SLC39A12: variants seen among roughly 807,000 people sequenced by gnomAD.
SLC39A12 encodes zinc transporter ZIP12.
In SLC39A12, 63 loss-of-function variants were observed where a neutral mutation model predicts 71.1. The ratio of observed to expected loss-of-function variants is 0.89; its 90% CI spans 0.72 to 1.09. SLC39A12 has a LOEUF of 1.09. Ranked by LOEUF, SLC39A12 falls within the 50% of genes least tolerant of loss-of-function variation. SLC39A12 has a pLI of 0.00. For missense variants in SLC39A12, 892 were observed against 812.6 expected (o/e 1.10, Z -1.19); for synonymous variants, 351 against 301.3 (o/e 1.16, Z -1.71).
At chr10:18,022,020 C>T (rs67552121) in intron 12 of SLC39A12, among the ~76,000 whole-genome samples, 14,646 of 152,100 alleles carry the variant, frequency 0.096, 1,121 homozygotes, top group East Asian at 0.21. Flanking sequence ...TTGTAGGTGA[C>T]CTACCCCTTC....
chr10:18,036,782 A>ATT (rs1564665979), intron 12 of SLC39A12, among the ~76,000 whole-genome samples: 11 of 7,272 alleles, frequency 1.5e-3, no homozygotes, highest in African/African-American at 5.5e-3. Context: ...ATATATATAT[A>ATT]TATATATATA....
chr10:17,993,406 C>T (rs547275024), intron 9 of SLC39A12, 115 bp downstream of exon 9: 95 of 749,152 alleles, frequency 1.3e-4, no homozygotes, highest in Non-Finnish European at 1.7e-4. Flanking sequence ...CCTGATTTGC[C>T]GGTTCTTAAC....
At chr10:17,979,462 G>A (rs1445654808) in intron 5 of SLC39A12, among the ~76,000 whole-genome samples, 2 of 152,224 alleles carry the variant, frequency 1.3e-5, no homozygotes, top group African/African-American at 4.8e-5. Context: ...TTACCAGTCA[G>A]GCATTTTCTG....
intron 12 of SLC39A12, among the ~76,000 whole-genome samples, chr10:18,041,873 GTA>G (rs979630923): frequency 2.0e-5 from 3 of 146,748 alleles, no homozygotes; most frequent in Admixed American, 6.9e-5. Flanking sequence ...ATATGTATAT[GTA>G]TATATATACA....
chr10:17,965,564 G>A lies in SLC39A12; in HGVS notation c.625G>A (p.Ala209Thr), dbSNP rs920136228. Residue 209 changes from alanine (A) to threonine (T), a missense_variant, in exon 4 of 13, where the codon GCA becomes ACA. Ala to Thr is a moderately conservative substitution (Grantham distance 58). Transcript: ENST00000377369. ...GANESTLPQL[A>T]AMIITLSLQG... The stretch of plus-strand genomic sequence containing the variant: ...TAATGAAAGTACGCTTCCTCAGTTG[G>A]CAGCCATGATCATTACTTTGTCCCT... 6 of 1,614,168 alleles carry A rather than the reference G, an allele frequency of 3.7e-6. No individual in the cohort carries two copies. Among genetic ancestry groups the A allele is most frequent in the Non-Finnish European group, 5.1e-6 (6 of 1,180,018 alleles).
At chr10:17,975,455 A>T (rs993836265) in intron 4 of SLC39A12, among the ~76,000 whole-genome samples, 2 of 152,158 alleles carry the variant, frequency 1.3e-5, no homozygotes, top group Admixed American at 1.3e-4. Flanking sequence ...GCATGTCTAG[A>T]AATGTTGTCT....
At chr10:17,964,041 T>A (rs1297907876) in intron 3 of SLC39A12, among the ~76,000 whole-genome samples, 1 of 152,138 alleles carries the variant, frequency 6.6e-6, no homozygotes, top group Non-Finnish European at 1.5e-5. Context: ...TGAACAGGGA[T>A]CTCTCCCTAG....
chr10:17,981,017 C>G (rs978181726), intron 5 of SLC39A12, among the ~76,000 whole-genome samples: 1 of 152,070 alleles, frequency 6.6e-6, no homozygotes. Context: ...GGTTAGAACA[C>G]CACTCAACAC....
At chr10:18,015,903 T>G (rs1409198605) in intron 12 of SLC39A12, among the ~76,000 whole-genome samples, 1 of 151,988 alleles carries the variant, frequency 6.6e-6, no homozygotes, top group East Asian at 1.9e-4. Flanking sequence ...TTTAGGGCAG[T>G]TTTGGGTTCA....
intron 12 of SLC39A12, among the ~76,000 whole-genome samples, chr10:18,041,072 T>G (rs1837212067): frequency 6.6e-6 from 1 of 152,150 alleles, no homozygotes; most frequent in Non-Finnish European, 1.5e-5. Flanking sequence ...CTCCAATCCT[T>G]GTTGACACGA....
chr10:17,994,105 G>A (rs1229845679), intron 9 of SLC39A12, among the ~76,000 whole-genome samples: 1 of 152,072 alleles, frequency 6.6e-6, no homozygotes, highest in Non-Finnish European at 1.5e-5. Context: ...AGCCTTTATT[G>A]TATTTATTGC....
At position 17,953,250 on chromosome 10, in the gene SLC39A12, C is replaced by T. The variant is rs782697776; in HGVS notation, c.-27C>T. On this transcript the variant is annotated 5_prime_UTR_variant, in exon 2 of 13. Transcript: ENST00000377369. ...GCAACACACTCACCTCCATCCAAGA[C>T]AGACTCAAGGTGGAGGAAGCGTGGA... 3 of 1,609,020 alleles carry T rather than the reference C, an allele frequency of 1.9e-6. No individual in the cohort carries two copies. Among genetic ancestry groups the T allele is most frequent in the Non-Finnish European group, 2.5e-6 (3 of 1,177,208 alleles).
Position 17,965,698 on chromosome 10 carries a change from T to C in SLC39A12, c.751+8T>C. ...ATACCCTCCGCCTATCAGGTAAGGA[T>C]GTTTTCACGAATTTAACTTCCAAGT... On this transcript the variant is annotated splice_region_variant and intron_variant, in intron 4 of 12. Coordinates refer to ENST00000377369, the MANE Select transcript of SLC39A12 (RefSeq NM_001145195.2). 2.5e-6 allele frequency: 4 copies of C among 1,603,026 alleles called. No individual in the cohort carries two copies. Among genetic ancestry groups the C allele is most frequent in the East Asian group, 2.2e-5 (1 of 44,626 alleles).
At chr10:17,996,742 A>G (rs895805952) in intron 10 of SLC39A12, among the ~76,000 whole-genome samples, 3 of 152,158 alleles carry the variant, frequency 2.0e-5, no homozygotes, top group Non-Finnish European at 2.9e-5. Flanking sequence ...TCACGCCTGT[A>G]ATCCCAGCAC....
chr10:17,977,755 G>A, intron 4 of SLC39A12, 147 bp from the exon 5 acceptor site: 2 of 563,682 alleles, frequency 3.5e-6, no homozygotes, highest in Non-Finnish European at 5.8e-6. Flanking sequence ...ATTTTCGTGG[G>A]TGGAAATGTC....
Position 17,965,684 on chromosome 10 carries a change from C to G in SLC39A12, c.745C>G (p.Leu249Val). ...CTTGAATCGTACGAATACCCTCCGCCTATCAGGTAAGGATGTTTTCACGAA... is the reference window on the plus strand; with the variant it reads ...CTTGAATCGTACGAATACCCTCCGCGTATCAGGTAAGGATGTTTTCACGAA... ...SSLNRTNTLR[L>V]SELDQLLNTL... The change falls in exon 4 of 13, where the codon CTA (leucine) becomes GTA (valine). Residue 249 changes from leucine (L) to valine (V), a missense_variant. By Grantham distance (32) the Leu-to-Val change is conservative. Coordinates refer to ENST00000377369, the MANE Select transcript of SLC39A12 (RefSeq NM_001145195.2). 1 of 1,612,018 alleles carries G rather than the reference C, an allele frequency of 6.2e-7. No individual in the cohort carries two copies. The highest frequency in any genetic ancestry group is 8.5e-7 in the Non-Finnish European group (1 of 1,178,300).
intron 7 of SLC39A12, among the ~76,000 whole-genome samples, chr10:17,990,586 C>A (rs549049008): frequency 6.6e-6 from 1 of 152,046 alleles, no homozygotes; most frequent in Non-Finnish European, 1.5e-5. Context: ...AAATTCCCAA[C>A]ACATTTCTCA....
intron 12 of SLC39A12, among the ~76,000 whole-genome samples, chr10:18,031,391 A>G (rs1439790808): frequency 1.5e-5 from 2 of 136,592 alleles, no homozygotes; most frequent in Admixed American, 7.4e-5. Context: ...CATTTCTCTG[A>G]TGGCCAGTGA....
At chr10:17,999,202 A>T (rs1835764292) in intron 10 of SLC39A12, among the ~76,000 whole-genome samples, 2 of 150,634 alleles carry the variant, frequency 1.3e-5, no homozygotes, top group South Asian at 4.2e-4. Context: ...GGAGGCTGAG[A>T]CAGAATTGCT....
Sources: gnomAD v4.1 joint callset for allele counts (sites outside exome capture counted in the v4.1 genomes callset) on GRCh38, gnomAD v4.1.1 for gene constraint, MANE v1.5 for transcripts, NCBI Gene and HGNC (gene_info 2026-07-23, HGNC 2026-07-21) for gene names.